Variants in ZNF423 observed in about 807,000 individuals in gnomAD.
ZNF423 encodes the protein zinc finger protein 423.
ZNF423 carries 12 observed loss-of-function variants against 95.8 expected under a neutral mutation model. That is an observed-to-expected ratio of 0.13 (90% CI 0.08 to 0.20). The LOEUF (loss-of-function observed/expected upper bound fraction) is 0.20, where lower values mean the gene tolerates loss of function less well. ZNF423 is among the 10% of genes least tolerant of loss of function. ZNF423 has a pLI of 1.00. For missense variants in ZNF423, 1,316 were observed against 1,737.1 expected (o/e 0.76, Z 4.31); for synonymous variants, 749 against 711.9 (o/e 1.05, Z -0.83).
At chr16:49,788,467 CA>C (rs1161756326) in intron 2 of ZNF423, among the ~76,000 whole-genome samples, 1 of 152,240 alleles carries the variant, frequency 6.6e-6, no homozygotes, top group African/African-American at 2.4e-5. Flanking sequence ...ACACATTAGA[CA>C]CATAACCATG....
chr16:49,749,775 C>A (rs1313299742), intron 2 of ZNF423, among the ~76,000 whole-genome samples: 3 of 142,060 alleles, frequency 2.1e-5, no homozygotes, highest in African/African-American at 5.4e-5. Context: ...TAAATGTGAA[C>A]AGGCCCCAGT....
rs1596836579 is a variant in ZNF423 at position 49,677,231 on chromosome 16, GAGAA to G, written c.302-38361_302-38358del. ...AGACTCCAACATAGAAACAAGAAAA[GAGAA>G]GAGAAGAGAAGATAAGAGAAGAGAA... On this transcript the variant is annotated intron_variant, in intron 3 of 7. Transcript: ENST00000563137. Among the ~76,000 whole-genome samples the G allele has an allele frequency of 3.0e-4, 3 of 9,850 alleles. No individual in the cohort carries two copies. The East Asian group carries it at 0.013, about 42-fold the overall frequency. 6.5% of individuals were successfully genotyped at this position (9,850 alleles called of 152,430 possible).
intron 6 of ZNF423, among the ~76,000 whole-genome samples, chr16:49,524,431 A>T (rs945958752): frequency 6.6e-6 from 1 of 152,094 alleles, no homozygotes; most frequent in African/African-American, 2.4e-5. Flanking sequence ...CCAGCCTCAG[A>T]GTGTGGCAGT....
In ZNF423 at chr16:49,489,498, T is replaced by C. The variant is rs1402732876; in HGVS notation, c.*1777A>G. ...CCCACTACTGGCAGGGTCTGCTCTA[T>C]GATTCACATATGTAAGATGCCTTTT... On this transcript the variant is annotated 3_prime_UTR_variant, in exon 8 of 8. Transcript: ENST00000563137. 1 of 152,238 alleles carries C rather than the reference T, an allele frequency of 6.6e-6. No individual in the cohort carries two copies. Among genetic ancestry groups the C allele is most frequent in the East Asian group, 1.9e-4 (1 of 5,196 alleles). The allele number at this position is 152,238 out of a possible 1,614,324, so 9.4% of individuals were successfully genotyped here. A position where few individuals can be genotyped will look rare whatever the true frequency, so the allele number is the denominator to read the frequency against.
intron 2 of ZNF423, among the ~76,000 whole-genome samples, chr16:49,745,504 A>G (rs2033502853): frequency 6.6e-6 from 1 of 152,246 alleles, no homozygotes; most frequent in East Asian, 1.9e-4. Flanking sequence ...GATCAGAAAC[A>G]TGGGCTCCCT....
At chr16:49,681,492 A>G (rs1280142422) in intron 3 of ZNF423, among the ~76,000 whole-genome samples, 1 of 152,268 alleles carries the variant, frequency 6.6e-6, no homozygotes, top group Non-Finnish European at 1.5e-5. Context: ...CAAATGGGGC[A>G]GATGTATAAA....
At chr16:49,768,016 C>T (rs755528692) in intron 2 of ZNF423, among the ~76,000 whole-genome samples, 1 of 152,210 alleles carries the variant, frequency 6.6e-6, no homozygotes, top group South Asian at 2.1e-4. Context: ...TAGAAAAGAC[C>T]ATTTCTTAAT....
chr16:49,784,630 TC>T (rs1458772672), intron 2 of ZNF423, among the ~76,000 whole-genome samples: 2 of 152,154 alleles, frequency 1.3e-5, no homozygotes, highest in African/African-American at 2.4e-5. Flanking sequence ...TGACAGGATG[TC>T]CAGAATAGGC....
intron 5 of ZNF423, among the ~76,000 whole-genome samples, chr16:49,547,781 G>A (rs146982829): frequency 6.6e-5 from 10 of 152,358 alleles, no homozygotes; most frequent in African/African-American, 2.4e-4. Flanking sequence ...GGCTTTAGGA[G>A]GCTATGCAAC....
chr16:49,753,044 C>T (rs2143581638), intron 2 of ZNF423, among the ~76,000 whole-genome samples: 1 of 152,228 alleles, frequency 6.6e-6, no homozygotes, highest in Non-Finnish European at 1.5e-5. Context: ...AAGAGTTCAA[C>T]ACCAGTCTGG....
At chr16:49,504,698 C>T (rs1043558186) in intron 7 of ZNF423, among the ~76,000 whole-genome samples, 1 of 152,204 alleles carries the variant, frequency 6.6e-6, no homozygotes. Context: ...ATCATAGCAG[C>T]CCGAGACATC....
chr16:49,646,448 T>C (rs1420183996), intron 3 of ZNF423, among the ~76,000 whole-genome samples: 1 of 152,176 alleles, frequency 6.6e-6, no homozygotes, highest in African/African-American at 2.4e-5. Context: ...CATCAGTGTA[T>C]TGAGGGCAAG....
chr16:49,590,051 T>TATATATATATA (rs879296139), intron 5 of ZNF423, among the ~76,000 whole-genome samples: 20 of 134,060 alleles, frequency 1.5e-4, no homozygotes, highest in African/African-American at 3.2e-4. Context: ...TATATATATA[T>TATATATATATA]TTGGTCCATA....
At chr16:49,802,599 G>A (rs1478315988) in intron 1 of ZNF423, among the ~76,000 whole-genome samples, 1 of 152,204 alleles carries the variant, frequency 6.6e-6, no homozygotes, top group Non-Finnish European at 1.5e-5. Flanking sequence ...GAGGAGGAAG[G>A]AGAGAAGGGG....
At chr16:49,752,404 A>G in intron 2 of ZNF423, among the ~76,000 whole-genome samples, 1 of 152,218 alleles carries the variant, frequency 6.6e-6, no homozygotes, top group South Asian at 2.1e-4. Flanking sequence ...AGCACCAGCC[A>G]TTTGACCCAG....
In ZNF423 at chr16:49,635,610, G is replaced by A. The variant is rs922320414; in HGVS notation, c.3516+50C>T. ...GTACGTGGCTCCTGTGGGGACCAGA[G>A]GAGCCCCAAGGAGAGGAGCAGGGAG... On this transcript the variant is annotated intron_variant, in intron 4 of 7. Coordinates refer to ENST00000563137, the MANE Select transcript of ZNF423 (RefSeq NM_001379286.1). The surrounding 1 kb of genome is among the most constrained non-coding windows in gnomAD (Gnocchi z 4.8). 6.6e-7 allele frequency: 1 copy of A among 1,505,476 alleles called. No individual in the cohort carries two copies. Among genetic ancestry groups the A allele is most frequent in the African/African-American group, 1.4e-5 (1 of 71,214 alleles). 93.3% of individuals were successfully genotyped at this position (1,505,476 alleles called of 1,614,324 possible).
intron 5 of ZNF423, among the ~76,000 whole-genome samples, chr16:49,608,192 C>T (rs1329088782): frequency 3.9e-5 from 6 of 152,146 alleles, no homozygotes; most frequent in African/African-American, 1.4e-4. Flanking sequence ...GTGAGAAGGA[C>T]CATCGGAGGG....
At chr16:49,624,133 C>A (rs11865063) in intron 5 of ZNF423, among the ~76,000 whole-genome samples, 33,879 of 151,894 alleles carry the variant, frequency 0.22, 4,242 homozygotes, top group African/African-American at 0.34. Flanking sequence ...ATTTTATATA[C>A]ATATTTACAC....
intron 1 of ZNF423, among the ~76,000 whole-genome samples, chr16:49,844,378 A>T (rs1453135145): frequency 6.6e-6 from 1 of 152,210 alleles, no homozygotes; most frequent in Non-Finnish European, 1.5e-5. Flanking sequence ...ACAATCCATG[A>T]CACAAAGCCC....
Sources: gnomAD v4.1 joint callset for allele counts (sites outside exome capture counted in the v4.1 genomes callset) on GRCh38, gnomAD v4.1.1 for gene constraint, Gnocchi (gnomAD v3.1) non-coding constraint, MANE v1.5 for transcripts, NCBI Gene and HGNC (gene_info 2026-07-23, HGNC 2026-07-21) for gene names.